Variants in PYROXD2 observed in about 807,000 individuals in gnomAD.
PYROXD2 encodes pyridine nucleotide-disulphide oxidoreductase domain 2.
In PYROXD2, 69 loss-of-function variants were observed where a neutral mutation model predicts 71.1. That is an observed-to-expected ratio of 0.97 (90% CI 0.80 to 1.19). The LOEUF is 1.19. Ranked by LOEUF, PYROXD2 falls within the 50% of genes most tolerant of loss-of-function variation. The probability of loss-of-function intolerance (pLI) is 0.00; values close to 1 mark genes in which losing one functional copy is unlikely to be tolerated. For missense variants in PYROXD2, 745 were observed against 748.9 expected, an observed-to-expected ratio of 0.99 and a Z score of 0.06; for synonymous variants, 287 against 302.7, an observed-to-expected ratio of 0.95 and a Z score of 0.54.
chr10:98,387,623 T>G (rs948553603), intron 13 of PYROXD2, among the ~76,000 whole-genome samples: 15 of 128,912 alleles, frequency 1.2e-4, no homozygotes, highest in Non-Finnish European at 1.9e-4. Context: ...TTTCTCAAGC[T>G]GTTTTTTTTT....
chr10:98,406,854 C>A (rs1055879865), intron 4 of PYROXD2, among the ~76,000 whole-genome samples: 1 of 140,042 alleles, frequency 7.1e-6, no homozygotes, highest in African/African-American at 2.8e-5. Context: ...ATCGCGCCAC[C>A]GTACTCCAGC....
Position 98,415,062 on chromosome 10 carries a change from G to T in PYROXD2, c.74C>A (p.Thr25Lys). 1.2e-6 allele frequency: 2 copies of T among 1,613,986 alleles called. No individual in the cohort carries two copies. Among genetic ancestry groups the T allele is most frequent in the Non-Finnish European group, 1.7e-6 (2 of 1,179,956 alleles). The change falls in exon 1 of 16, where the codon ACG (threonine) becomes AAG (lysine). Residue 25 changes from threonine to lysine, a missense_variant. Transcript: ENST00000370575. ...AGGCTTCAGACCTCCCCTGGCTTCC[G>T]TGTTATCTCGTCTCCACGCCGGGAA... is the stretch of plus-strand genomic sequence containing the variant. Reference protein sequence around the residue: ...SPFPAWRRDNTEARGGLKPEY... With the variant: ...SPFPAWRRDNKEARGGLKPEY...
At chr10:98,412,767 C>T (rs1843831908) in intron 1 of PYROXD2, among the ~76,000 whole-genome samples, 1 of 152,132 alleles carries the variant, frequency 6.6e-6, no homozygotes, top group African/African-American at 2.4e-5. Flanking sequence ...GAAAAGCTCA[C>T]ACACTGAGAC....
chr10:98,383,868 C>T lies in PYROXD2; in HGVS notation c.1676G>A (p.Gly559Glu), dbSNP rs775726239. The change falls in exon 16 of 16, where the codon GGA becomes GAA. Residue 559 changes from glycine (G) to glutamate (E), a missense_variant and splice_region_variant. Coordinates refer to ENST00000370575, the MANE Select transcript of PYROXD2 (RefSeq NM_032709.3). ...LYLCGSGAHP[G>E]GGVMGAAGRN... ...CCCAGCAGCTCCCATCACACCTCCT[C>T]CTGGAAGGGAATCTCCTATGAACCA... The T allele has an allele frequency of 6.2e-6, 10 of 1,613,868 alleles. No homozygotes were observed. The highest frequency in any genetic ancestry group is 1.3e-5 in the African/African-American group (1 of 74,870).
At position 98,407,576 on chromosome 10, in the gene PYROXD2, C is replaced by G. The variant is rs1477113667; in HGVS notation, c.315+6G>C. ...CCGTGCAATCGGGCCGGCGGGGGGG[C>G]CCTACCTTCAGCTCCAGATCAGTGT... On this transcript the variant is annotated splice_donor_region_variant and intron_variant, in intron 4 of 15. Transcript: ENST00000370575. 1.2e-6 allele frequency: 2 copies of G among 1,613,044 alleles called. No individual in the cohort carries two copies. Among genetic ancestry groups the G allele is most frequent in the Admixed American group, 3.3e-5 (2 of 59,962 alleles).
At chr10:98,390,871 C>T in intron 11 of PYROXD2, 117 bp from the exon 12 acceptor site, 1 of 1,416,688 alleles carries the variant, frequency 7.1e-7, no homozygotes, top group Non-Finnish European at 9.8e-7. Context: ...AGTGTTTCAC[C>T]TTCTGACCAG....
chr10:98,407,411 A>G (rs1843634539), intron 4 of PYROXD2, among the ~76,000 whole-genome samples, 171 bp downstream of exon 4: 1 of 152,174 alleles, frequency 6.6e-6, no homozygotes, highest in Non-Finnish European at 1.5e-5. Context: ...GACAAAACCC[A>G]TCTGTGGGAA....
intron 1 of PYROXD2, chr10:98,411,552 T>C (rs1439113806): frequency 8.5e-5 from 13 of 152,210 alleles, no homozygotes; most frequent in Admixed American, 8.5e-4. Context: ...CAGTTCAACA[T>C]GAAGTAAACA....
intron 4 of PYROXD2, among the ~76,000 whole-genome samples, chr10:98,402,017 T>C (rs1843430578): frequency 6.6e-6 from 1 of 152,266 alleles, no homozygotes; most frequent in Non-Finnish European, 1.5e-5. Context: ...TATAATTATA[T>C]GTACTAGACT....
At chr10:98,414,972 C>G (rs754134033) in intron 1 of PYROXD2, 37 bp downstream of exon 1, 4 of 1,604,740 alleles carry the variant, frequency 2.5e-6, no homozygotes, top group African/African-American at 1.3e-5. Flanking sequence ...TGTCTTCCCG[C>G]CCCTCAGCTC....
At chr10:98,397,582 A>G in intron 5 of PYROXD2, 84 bp from the exon 6 acceptor site, 1 of 1,443,552 alleles carries the variant, frequency 6.9e-7, no homozygotes, top group Non-Finnish European at 9.2e-7. Flanking sequence ...ACCCCCCCAC[A>G]GCTTGACGGT....
chr10:98,413,274 G>C (rs1219978560), intron 1 of PYROXD2, among the ~76,000 whole-genome samples: 1 of 152,204 alleles, frequency 6.6e-6, no homozygotes, highest in African/African-American at 2.4e-5. Context: ...TTGTGGTCAG[G>C]CTTAAGAAAG....
intron 4 of PYROXD2, among the ~76,000 whole-genome samples, chr10:98,403,249 C>A (rs1434624628): frequency 6.6e-6 from 1 of 152,192 alleles, no homozygotes; most frequent in African/African-American, 2.4e-5. Context: ...CACTCATACC[C>A]AGGAGGCATC....
chr10:98,392,814 T>G, intron 9 of PYROXD2, 128 bp downstream of exon 9: 2 of 1,218,176 alleles, frequency 1.6e-6, no homozygotes. Context: ...CTTAATCTCT[T>G]GATTCTGCAA....
In PYROXD2 at chr10:98,407,965, G is replaced by C; in HGVS notation, c.180C>G (p.Thr60=). 6.2e-7 allele frequency: 1 copy of C among 1,609,954 alleles called. No individual in the cohort carries two copies. Among genetic ancestry groups the C allele is most frequent in the Non-Finnish European group, 8.5e-7 (1 of 1,178,476 alleles). ...TCACATGGCGCCTCTCGAAGACGGCGGTGTTCACCCCCAGTCTCTGCAGGT... is the reference window on the plus strand; with the variant it reads ...TCACATGGCGCCTCTCGAAGACGGCCGTGTTCACCCCCAGTCTCTGCAGGT... ...AAYLQRLGVN[T]AVFERRHVIG... The change falls in exon 3 of 16, where the codon ACC becomes ACG. Residue 60 remains threonine (T), a synonymous_variant. Transcript: ENST00000370575.
At chr10:98,413,284 G>C (rs1402391065) in intron 1 of PYROXD2, among the ~76,000 whole-genome samples, 2 of 152,224 alleles carry the variant, frequency 1.3e-5, no homozygotes, top group Non-Finnish European at 2.9e-5. Context: ...GCTTAAGAAA[G>C]TGATGGGAAA....
At chr10:98,411,018 A>G (rs939686802) in intron 1 of PYROXD2, 60 bp from the exon 2 acceptor site, 2 of 1,551,864 alleles carry the variant, frequency 1.3e-6, no homozygotes, top group African/African-American at 2.7e-5. Context: ...GCAGACAGAC[A>G]GTCCTTGAGG....
Position 98,388,363 on chromosome 10 carries a change from C to CA in PYROXD2, c.1437dup (p.Ala480CysfsTer6). 1 of 1,613,854 alleles carries CA rather than the reference C, an allele frequency of 6.2e-7. No individual in the cohort carries two copies. The highest frequency in any genetic ancestry group is 8.5e-7 in the Non-Finnish European group (1 of 1,179,964). On this transcript the variant is annotated frameshift_variant, in exon 13 of 16. Transcript: ENST00000370575. LOFTEE classifies it high-confidence loss of function. ...GTGCAGCTGTCTTTACCTCTGTCTGCATAAGCGTCTCTCTCCTGCTCGTCC... is the reference window on the plus strand; with the variant it reads ...GTGCAGCTGTCTTTACCTCTGTCTGCAATAAGCGTCTCTCTCCTGCTCGTCC...
Position 98,393,056 on chromosome 10 carries a change from C to T in PYROXD2, c.813G>A (p.Gly271=), listed in dbSNP as rs1352878462. 5.0e-6 allele frequency: 8 copies of T among 1,591,340 alleles called. No homozygotes were observed. The South Asian group carries it at 9.1e-5, about 18-fold the overall frequency. ...AGGCCCCCTGCATTCCCTCCAGGCC[C>T]CCCATCACATGGTGCAGCAGCACAT... ...SGYVLLHHVM[G]GLEGMQGAWG... is the part of the protein sequence containing the mutation. Residue 271 remains glycine (G), a synonymous_variant, in exon 9 of 16, where the codon GGG becomes GGA. Coordinates refer to ENST00000370575, the MANE Select transcript of PYROXD2 (RefSeq NM_032709.3).
Sources: allele counts gnomAD v4.1 joint callset (sites outside exome capture counted in the v4.1 genomes callset), GRCh38; gene constraint gnomAD v4.1.1; transcripts MANE v1.5; gene names NCBI Gene and HGNC (gene_info 2026-07-23, HGNC 2026-07-21).